The following MARCHF1 variants were observed in gnomAD, a reference collection of about 807,000 sequenced individuals.
MARCHF1 encodes membrane associated ring-CH-type finger 1.
Under a neutral mutation model 54.2 loss-of-function variants are expected in MARCHF1, and 40 were observed. That is an observed-to-expected ratio of 0.74 (90% CI 0.57 to 0.96). The LOEUF (loss-of-function observed/expected upper bound fraction) is 0.96, where lower values mean the gene tolerates loss of function less well. Among genes scored for constraint, MARCHF1 ranks in the 40% least tolerant of loss-of-function variants. The pLI is 0.00. For missense variants in MARCHF1, 586 were observed against 656.5 expected, an observed-to-expected ratio of 0.89 and a Z score of 1.17; for synonymous variants, 236 against 236.3, an observed-to-expected ratio of 1.00 and a Z score of 0.01.
intron 5 of MARCHF1, among the ~76,000 whole-genome samples, chr4:163,652,761 G>A (rs1412213607): frequency 6.6e-6 from 1 of 151,784 alleles, no homozygotes; most frequent in Non-Finnish European, 1.5e-5. Flanking sequence ...GACACTGGGT[G>A]ACCTCATTTG....
rs1747327162 is a variant in MARCHF1, at chr4:163,777,011, A to G, written c.112-76148T>C. On this transcript the variant is annotated intron_variant, in intron 4 of 9. Coordinates refer to ENST00000514618, the MANE Select transcript of MARCHF1 (RefSeq NM_001394959.1). Reference sequence around the variant, plus strand: ...TGCTTTTTAATTCAACTCTTTTGCAAAGAAAATAATTTGTAATTCATATTT... The same window carrying G: ...TGCTTTTTAATTCAACTCTTTTGCAGAGAAAATAATTTGTAATTCATATTT... 3.3e-5 allele frequency among the ~76,000 whole-genome samples: 5 copies of G among 152,254 alleles called. No individual in the cohort carries two copies. In the South Asian group the frequency reaches 1.0e-3, roughly 32 times the overall value.
chr4:163,997,996 G>A (rs1753112071), intron 2 of MARCHF1, among the ~76,000 whole-genome samples: 2 of 148,728 alleles, frequency 1.3e-5, no homozygotes, highest in African/African-American at 5.0e-5. Context: ...AAAGATATAA[G>A]TAACAAAAGA....
At chr4:164,256,063 G>A (rs1457170886) in intron 1 of MARCHF1, among the ~76,000 whole-genome samples, 1 of 151,878 alleles carries the variant, frequency 6.6e-6, no homozygotes, top group African/African-American at 2.4e-5. Flanking sequence ...GGCCAAGGTG[G>A]GAGGATTGCA....
intron 5 of MARCHF1, among the ~76,000 whole-genome samples, chr4:163,637,986 G>A (rs199888742): frequency 0.016 from 2,357 of 147,810 alleles, 47 homozygotes; most frequent in African/African-American, 0.052. Context: ...GTAAACTATC[G>A]CAAGAACAAA....
chr4:164,245,099 C>T (rs1196467061), intron 1 of MARCHF1, among the ~76,000 whole-genome samples: 2 of 152,176 alleles, frequency 1.3e-5, no homozygotes, highest in Non-Finnish European at 2.9e-5. Flanking sequence ...CCCTCCCTAA[C>T]TCATTTTATG....
intron 4 of MARCHF1, among the ~76,000 whole-genome samples, chr4:163,703,090 G>A (rs1167891532): frequency 2.0e-5 from 3 of 152,080 alleles, no homozygotes; most frequent in Non-Finnish European, 4.4e-5. Flanking sequence ...GGAAATCTGT[G>A]TAAGGAACAA....
chr4:163,771,515 G>A (rs568712678), intron 4 of MARCHF1, among the ~76,000 whole-genome samples: 46 of 152,278 alleles, frequency 3.0e-4, no homozygotes, highest in African/African-American at 1.1e-3. Context: ...TCTTTTTGCT[G>A]TATCTTCACG....
At chr4:164,154,690 GC>G (rs1360216849) in intron 1 of MARCHF1, among the ~76,000 whole-genome samples, 1 of 152,200 alleles carries the variant, frequency 6.6e-6, no homozygotes, top group East Asian at 1.9e-4. Context: ...GACTCCCAAA[GC>G]CCAAGTGGGT....
intron 3 of MARCHF1, among the ~76,000 whole-genome samples, chr4:163,949,941 A>G (rs1313238733): frequency 3.3e-5 from 5 of 152,192 alleles, no homozygotes; most frequent in Admixed American, 3.3e-4. Flanking sequence ...CCCCCTCTCC[A>G]TAGGCAGGTC....
At chr4:163,991,436 T>G (rs1752965645) in intron 2 of MARCHF1, among the ~76,000 whole-genome samples, 1 of 152,162 alleles carries the variant, frequency 6.6e-6, no homozygotes, top group Non-Finnish European at 1.5e-5. Flanking sequence ...TCAAGCAGCT[T>G]CCATAGTGCT....
chr4:164,368,908 G>C (rs1374826853), intron 1 of MARCHF1, among the ~76,000 whole-genome samples: 1 of 152,188 alleles, frequency 6.6e-6, no homozygotes, highest in Non-Finnish European at 1.5e-5. Context: ...CTGGTGCTGT[G>C]AACAGTCATG....
At chr4:163,944,133 A>ATTTTTTTTTTTTTTTTTTT (rs5863642) in intron 3 of MARCHF1, among the ~76,000 whole-genome samples, 1 of 110,126 alleles carries the variant, frequency 9.1e-6, no homozygotes, top group African/African-American at 3.4e-5. Flanking sequence ...CACCGGGCTA[A>ATTTTTTTTTTTTTTTTTTT]TTTTTTTTTT....
At chr4:164,349,164 C>A (rs1052894908) in intron 1 of MARCHF1, among the ~76,000 whole-genome samples, 1 of 152,130 alleles carries the variant, frequency 6.6e-6, no homozygotes, top group Non-Finnish European at 1.5e-5. Flanking sequence ...CAAAATAGAT[C>A]TGCCCTGACT....
At chr4:163,529,207 A>G (rs977873218) in intron 9 of MARCHF1, among the ~76,000 whole-genome samples, 161 bp from the exon 10 acceptor site, 6 of 151,980 alleles carry the variant, frequency 3.9e-5, no homozygotes, top group African/African-American at 2.4e-5. Context: ...TATAACCCGA[A>G]TTGGCGTAAT....
At chr4:164,077,893 G>A (rs868595707) in intron 2 of MARCHF1, among the ~76,000 whole-genome samples, 1 of 152,228 alleles carries the variant, frequency 6.6e-6, no homozygotes, top group African/African-American at 2.4e-5. Context: ...AGATGTTGGA[G>A]AGGATGTGGA....
intron 3 of MARCHF1, among the ~76,000 whole-genome samples, chr4:163,861,449 C>A (rs1463992735): frequency 6.6e-6 from 1 of 152,014 alleles, no homozygotes; most frequent in Non-Finnish European, 1.5e-5. Flanking sequence ...TATATACAAT[C>A]AATGCACAAT....
intron 1 of MARCHF1, among the ~76,000 whole-genome samples, chr4:164,158,208 A>G (rs1212715613): frequency 5.3e-5 from 8 of 152,218 alleles, no homozygotes; most frequent in African/African-American, 1.9e-4. Context: ...GACTCTTCCT[A>G]TTATATTTCA....
chr4:164,201,510 G>A (rs112532422), intron 1 of MARCHF1, among the ~76,000 whole-genome samples: 3,551 of 152,156 alleles, frequency 0.023, 127 homozygotes, highest in African/African-American at 0.079. Context: ...GTGAGCCACC[G>A]TGCCCGGCCA....
intron 2 of MARCHF1, among the ~76,000 whole-genome samples, chr4:164,072,081 C>T (rs996613333): frequency 6.6e-6 from 1 of 151,904 alleles, no homozygotes; most frequent in African/African-American, 2.4e-5. Context: ...GCACTTTTAG[C>T]TAGTCAAAAT....
Sources: gnomAD v4.1 joint callset for allele counts (sites outside exome capture counted in the v4.1 genomes callset) on GRCh38, gnomAD v4.1.1 for gene constraint, MANE v1.5 for transcripts, NCBI Gene and HGNC (gene_info 2026-07-23, HGNC 2026-07-21) for gene names.